Variants in ZNF385C observed in about 807,000 individuals in gnomAD.
ZNF385C encodes CTD-2132N18.2.
In ZNF385C, 28 loss-of-function variants were observed where a neutral mutation model predicts 35.4. That is an observed-to-expected ratio of 0.79 (90% CI 0.59 to 1.08). The LOEUF (loss-of-function observed/expected upper bound fraction) is 1.08, where lower values mean the gene tolerates loss of function less well. Ranked by LOEUF, ZNF385C falls within the 50% of genes least tolerant of loss-of-function variation. The pLI is 0.00. For synonymous variants in ZNF385C, 248 were observed against 248.2 expected (o/e 1.00, Z 0.01); for missense variants, 605 against 595.6 (o/e 1.02, Z -0.16).
chr17:42,027,975 G>T lies in ZNF385C; in HGVS notation c.1164+75C>A, dbSNP rs782152611. 196 of 1,546,798 alleles carry T rather than the reference G, an allele frequency of 1.3e-4. 1 individual carries two copies. Among genetic ancestry groups the T allele is most frequent in the Non-Finnish European group, 1.6e-4 (178 of 1,127,898 alleles). On this transcript the variant is annotated intron_variant, in intron 7 of 8. Coordinates refer to ENST00000692273, the MANE Select transcript of ZNF385C (RefSeq NM_001392013.1). The stretch of plus-strand genomic sequence containing the variant: ...CTGTGCCCTGCCTGCTCTCTTCAGG[G>T]TCCCTCCCTCTGCTGCCCTGCCCCC...
chr17:42,083,376 TG>T (rs1357160686), intron 1 of ZNF385C, among the ~76,000 whole-genome samples: 1 of 151,848 alleles, frequency 6.6e-6, no homozygotes, highest in Non-Finnish European at 1.5e-5. Flanking sequence ...GCTAATTTTT[TG>T]TAGTTTTGGT....
chr17:42,069,029 T>G (rs1483100445), intron 1 of ZNF385C, among the ~76,000 whole-genome samples: 1 of 152,218 alleles, frequency 6.6e-6, no homozygotes, highest in African/African-American at 2.4e-5. Context: ...AAAAAGCGTG[T>G]ATGTACCCAT....
At chr17:42,088,847 C>T (rs374863407) in intron 1 of ZNF385C, among the ~76,000 whole-genome samples, 2 of 152,090 alleles carry the variant, frequency 1.3e-5, no homozygotes, top group South Asian at 4.1e-4. Context: ...TTACCCCATA[C>T]TCTATCTGTA....
intron 1 of ZNF385C, among the ~76,000 whole-genome samples, chr17:42,080,693 G>A (rs1188219404): frequency 6.6e-5 from 10 of 152,212 alleles, no homozygotes; most frequent in Non-Finnish European, 1.5e-4. Context: ...GGTGGGAGGA[G>A]GCACAAAGCC....
intron 7 of ZNF385C, 34 bp downstream of exon 7, chr17:42,028,016 G>T: frequency 5.0e-6 from 8 of 1,607,446 alleles, no homozygotes; most frequent in Non-Finnish European, 6.0e-6. Context: ...CCCTCCCCTG[G>T]CTCCAACCCC....
At chr17:42,037,935 G>A (rs1555655660) in intron 2 of ZNF385C, 50 bp from the exon 3 acceptor site, 33 of 1,547,038 alleles carry the variant, frequency 2.1e-5, no homozygotes, top group Non-Finnish European at 2.6e-5. Flanking sequence ...TCCTACCCCC[G>A]TGGCCAGAAC....
intron 2 of ZNF385C, among the ~76,000 whole-genome samples, chr17:42,060,790 A>C (rs566952040): frequency 6.6e-6 from 1 of 152,136 alleles, no homozygotes; most frequent in East Asian, 1.9e-4. Flanking sequence ...ATCTCAGCTC[A>C]CTGCAGCCTC....
chr17:42,055,499 G>A (rs553105135), intron 2 of ZNF385C, among the ~76,000 whole-genome samples: 1 of 152,300 alleles, frequency 6.6e-6, no homozygotes, highest in Admixed American at 6.5e-5. Context: ...GCCACCAAGG[G>A]AGAATAGCAG....
chr17:42,030,317 G>C (rs376622524), intron 5 of ZNF385C, among the ~76,000 whole-genome samples: 2 of 151,982 alleles, frequency 1.3e-5, no homozygotes, highest in Admixed American at 1.3e-4. Flanking sequence ...GTGAAACCCC[G>C]TTTCTACTAA....
intron 1 of ZNF385C, among the ~76,000 whole-genome samples, chr17:42,091,989 T>G (rs11870415): frequency 6.6e-6 from 1 of 151,976 alleles, no homozygotes; most frequent in Non-Finnish European, 1.5e-5. Flanking sequence ...CAGCATGGTC[T>G]GGCAAGGAGC....
At chr17:42,094,948 T>G (rs1174218098) in intron 1 of ZNF385C, among the ~76,000 whole-genome samples, 1 of 151,418 alleles carries the variant, frequency 6.6e-6, no homozygotes, top group Non-Finnish European at 1.5e-5. Flanking sequence ...GTGACTGGGG[T>G]GAAGGTATGG....
At chr17:42,070,578 C>T (rs781973476) in intron 1 of ZNF385C, among the ~76,000 whole-genome samples, 5 of 152,138 alleles carry the variant, frequency 3.3e-5, no homozygotes, top group Non-Finnish European at 5.9e-5. Flanking sequence ...ATCCTCAGAA[C>T]AATCCTGCGA....
chr17:42,064,404 T>C (rs2053517882), intron 1 of ZNF385C, among the ~76,000 whole-genome samples: 1 of 152,172 alleles, frequency 6.6e-6, no homozygotes, highest in African/African-American at 2.4e-5. Flanking sequence ...ACTGAGCCCA[T>C]CTCTCCTGTT....
In ZNF385C at chr17:42,050,159, G is replaced by C. The variant is rs1172420927; in HGVS notation, c.251-12274C>G. On this transcript the variant is annotated intron_variant, in intron 2 of 8. Transcript: ENST00000692273. The surrounding 1 kb of genome is among the most constrained non-coding windows in gnomAD (Gnocchi z 5.6). ...ATTTCTCTCCACACCCTGACCAGCC[G>C]GATGGGAGCAGGAACAACTTGACAA... is the stretch of plus-strand genomic sequence containing the variant. Among the ~76,000 whole-genome samples, 2 of 145,114 alleles carry C rather than the reference G, an allele frequency of 1.4e-5. No homozygotes were observed. Among genetic ancestry groups the C allele is most frequent in the East Asian group, 2.2e-4 (1 of 4,468 alleles).
At chr17:42,033,567 A>G (rs1273915299) in intron 4 of ZNF385C, among the ~76,000 whole-genome samples, 1 of 152,148 alleles carries the variant, frequency 6.6e-6, no homozygotes, top group Non-Finnish European at 1.5e-5. Context: ...CTTGGGCAAC[A>G]TGGTGAAACC....
At chr17:42,049,357 C>A (rs1278469116) in intron 2 of ZNF385C, among the ~76,000 whole-genome samples, 2 of 152,040 alleles carry the variant, frequency 1.3e-5, no homozygotes, top group African/African-American at 4.8e-5. Context: ...TTGCTTCATC[C>A]TCTCTCCACC....
chr17:42,029,517 G>A (rs540617189), intron 5 of ZNF385C, among the ~76,000 whole-genome samples: 1 of 152,146 alleles, frequency 6.6e-6, no homozygotes, highest in African/African-American at 2.4e-5. Context: ...TCAGGAGTTC[G>A]AGACTGGCCT....
chr17:42,041,769 C>T (rs1186845621), intron 2 of ZNF385C, among the ~76,000 whole-genome samples: 1 of 152,114 alleles, frequency 6.6e-6, no homozygotes. Flanking sequence ...AGATCCAACT[C>T]CCCCACCTCC....
At chr17:42,051,582 C>A (rs1555657110) in intron 2 of ZNF385C, among the ~76,000 whole-genome samples, 1 of 152,062 alleles carries the variant, frequency 6.6e-6, no homozygotes, top group Non-Finnish European at 1.5e-5. Flanking sequence ...GGTCTGAAGA[C>A]CAAATGAGGT....
Sources: gnomAD v4.1 joint callset for allele counts (sites outside exome capture counted in the v4.1 genomes callset) on GRCh38, gnomAD v4.1.1 for gene constraint, Gnocchi (gnomAD v3.1) non-coding constraint, MANE v1.5 for transcripts, NCBI Gene and HGNC (gene_info 2026-07-23, HGNC 2026-07-21) for gene names.